ZC3H11A: variants seen among roughly 807,000 people sequenced by gnomAD.
The protein encoded by ZC3H11A is zinc finger CCCH-type containing 11A.
ZC3H11A carries 22 observed loss-of-function variants against 90.8 expected under a neutral mutation model. The observed-to-expected ratio is 0.24, with a 90% CI of 0.17 to 0.35. ZC3H11A has a LOEUF of 0.35. Ranked by LOEUF, ZC3H11A falls within the 10% of genes least tolerant of loss-of-function variation. The pLI, the probability that ZC3H11A is intolerant of heterozygous loss-of-function variation, is 1.00. For synonymous variants in ZC3H11A, 294 were observed against 339.8 expected (o/e 0.87, Z 1.48); for missense variants, 701 against 964.9 (o/e 0.73, Z 3.62).
intron 2 of ZC3H11A, among the ~76,000 whole-genome samples, chr1:203,812,578 ATTTTT>A (rs386369376): frequency 9.1e-6 from 1 of 109,314 alleles, no homozygotes; most frequent in Non-Finnish European, 1.8e-5. Flanking sequence ...GCCATTCTAA[ATTTTT>A]TTTTTTTTTT....
intron 4 of ZC3H11A, 105 bp from the exon 5 acceptor site, chr1:203,828,194 C>G: frequency 7.3e-7 from 1 of 1,361,048 alleles, no homozygotes; most frequent in Non-Finnish European, 1.0e-6. Flanking sequence ...TCTCACATGC[C>G]TCGGATTTTT....
intron 4 of ZC3H11A, among the ~76,000 whole-genome samples, chr1:203,819,973 ACG>A (rs2102840699): frequency 6.6e-6 from 1 of 151,320 alleles, no homozygotes; most frequent in South Asian, 2.1e-4. Flanking sequence ...TCAGTGGCTC[ACG>A]CCTGTAATCC....
chr1:203,850,990 AG>A (rs1689108963), intron 16 of ZC3H11A, 66 bp from the exon 17 acceptor site: 1 of 1,561,362 alleles, frequency 6.4e-7, no homozygotes, highest in African/African-American at 1.4e-5. Flanking sequence ...AGGCAGCAAA[AG>A]AAAATGAATA....
Position 203,837,969 on chromosome 1 carries a change from G to A in ZC3H11A, c.878G>A (p.Gly293Asp), listed in dbSNP as rs151160011. 33 of 1,612,426 alleles carry A rather than the reference G, an allele frequency of 2.0e-5. No homozygotes were observed. Among genetic ancestry groups the A allele is most frequent in the Non-Finnish European group, 2.8e-5 (33 of 1,179,604 alleles). Residue 293 changes from glycine to aspartate, a missense_variant, in exon 11 of 18, where the codon GGT (glycine) becomes GAT (aspartate). By Grantham distance (94) the Gly-to-Asp change is moderately conservative. Transcript: ENST00000367210. ...ACTAAGTTCTCCCTCTTTATAGGCG[G>A]TGACAGTGATCCTCCATTAAAGCGT... Reference protein sequence around the residue: ...RLGKRKFSAGGDSDPPLKRSL... With the variant: ...RLGKRKFSAGDDSDPPLKRSL...
chr1:203,847,355 C>G lies in ZC3H11A; in HGVS notation c.1214C>G (p.Thr405Ser). The G allele has an allele frequency of 6.2e-7, 1 of 1,613,852 alleles. No individual in the cohort carries two copies. The highest frequency in any genetic ancestry group is 8.5e-7 in the Non-Finnish European group (1 of 1,179,862). ...ARSSSTIRIK[T>S]FSEVLAEKKH... ...AGCTCCTCCACTATCCGTATCAAAA[C>G]CTTCTCTGAGGTCCTGGCTGAAAAA... Residue 405 changes from threonine (T) to serine (S), a missense_variant, in exon 13 of 18, where the codon ACC becomes AGC. Thr to Ser is a moderately conservative substitution (Grantham distance 58). Around this residue, in one of 4 missense-constraint regions of ZC3H11A, gnomAD observed 530 missense variants for 696.2 expected, o/e 0.76. Coordinates refer to ENST00000367210, the MANE Select transcript of ZC3H11A (RefSeq NM_001376342.1).
At chr1:203,832,321 G>A (rs1682650277) in intron 9 of ZC3H11A, among the ~76,000 whole-genome samples, 1 of 151,470 alleles carries the variant, frequency 6.6e-6, no homozygotes, top group Non-Finnish European at 1.5e-5. Flanking sequence ...TTGGCCTCCC[G>A]AAGTGCTGGG....
At chr1:203,831,836 C>G in intron 9 of ZC3H11A, 65 bp downstream of exon 9, 1 of 1,298,946 alleles carries the variant, frequency 7.7e-7, no homozygotes. Flanking sequence ...AATGCAAAAT[C>G]CTTGGGTATC....
Position 203,847,581 on chromosome 1 carries a change from G to C in ZC3H11A, c.1440G>C (p.Glu480Asp). ...HIKTLEEIKL[E>D]KALRVQQSSE... The stretch of plus-strand genomic sequence containing the variant: ...AGACGCTGGAAGAAATTAAACTGGA[G>C]AAGGCACTGAGGGTGCAGCAGAGCT... The change falls in exon 13 of 18, where the codon GAG becomes GAC. Residue 480 changes from glutamate to aspartate, a missense_variant. Physicochemically the swap from Glu to Asp is conservative, Grantham distance 45 (BLOSUM62 2). This residue lies in a region of ZC3H11A where 530 missense variants were observed against 696.2 expected (regional missense o/e 0.76). Transcript: ENST00000367210. The C allele has an allele frequency of 6.2e-7, 1 of 1,613,774 alleles. No homozygotes were observed.
rs188380611 is a variant in ZC3H11A, at chr1:203,845,457, T to C, written c.1043-1727T>C. Among the ~76,000 whole-genome samples the C allele has an allele frequency of 3.8e-4, 58 of 152,334 alleles. No individual in the cohort carries two copies. The East Asian group carries it at 9.1e-3, about 24-fold the overall frequency. On this transcript the variant is annotated intron_variant, in intron 12 of 17. Transcript: ENST00000367210. ...ATTACAGGTACCTAAATACAGTCGT[T>C]GTTCTCATGAAGTCTTTAGTGTGGT...
At chr1:203,798,609 C>G in intron 1 of ZC3H11A, 1 of 1,536,128 alleles carries the variant, frequency 6.5e-7, no homozygotes, top group South Asian at 1.2e-5. Context: ...AGCTGAGGAC[C>G]TTAGTGACTC....
intron 4 of ZC3H11A, among the ~76,000 whole-genome samples, chr1:203,825,319 A>G (rs1454936540): frequency 6.6e-6 from 1 of 152,168 alleles, no homozygotes; most frequent in African/African-American, 2.4e-5. Flanking sequence ...TTTATAGAAC[A>G]TAACTACTGC....
chr1:203,818,725 C>A (rs376658488), intron 4 of ZC3H11A, 36 bp downstream of exon 4: 1 of 1,613,038 alleles, frequency 6.2e-7, no homozygotes, highest in African/African-American at 1.3e-5. Flanking sequence ...AATAAGTAGT[C>A]TGGAGACCTG....
chr1:203,832,365 A>AT lies in ZC3H11A; in HGVS notation c.811+608dup, dbSNP rs575486286. Among the ~76,000 whole-genome samples the AT allele has an allele frequency of 4.0e-3, 569 of 143,430 alleles. 2 individuals carry two copies. The highest frequency in any genetic ancestry group is 0.012 in the African/African-American group (461 of 39,338). The allele number at this position is 143,430 out of a possible 152,430, so 94.1% of individuals were successfully genotyped here. A position where few individuals can be genotyped will look rare whatever the true frequency, so the allele number is the denominator to read the frequency against. On this transcript the variant is annotated intron_variant, in intron 9 of 17. Transcript: ENST00000367210. ...TGTGAGCCACCGTTCTTGGCCATTAATTTTTTTTTTTTTTAGATGGAGTCT... is the reference window on the plus strand; with the variant it reads ...TGTGAGCCACCGTTCTTGGCCATTAATTTTTTTTTTTTTTTAGATGGAGTCT...
intron 11 of ZC3H11A, among the ~76,000 whole-genome samples, chr1:203,839,625 C>T (rs12760495): frequency 6.6e-6 from 1 of 152,038 alleles, no homozygotes; most frequent in Non-Finnish European, 1.5e-5. Flanking sequence ...TTGTTTTCCT[C>T]CTTGTGTATT....
chr1:203,846,107 G>A (rs1319999290), intron 12 of ZC3H11A, among the ~76,000 whole-genome samples: 1 of 96,034 alleles, frequency 1.0e-5, no homozygotes, highest in African/African-American at 4.2e-5. Flanking sequence ...ACAAGACCTC[G>A]TCTTTACCAA....
rs141153166 is a variant in ZC3H11A at position 203,840,354 on chromosome 1, C to G, written c.1022C>G (p.Pro341Arg). ...GAGCGATTAGGCATGTCAGCTGATC[C>G]AGATAATGAGGATGCAACAGGTAAG... ...LKERLGMSADPDNEDATDKVN... is the reference protein window; with the variant it reads ...LKERLGMSADRDNEDATDKVN... Residue 341 changes from proline (P) to arginine (R), a missense_variant, in exon 12 of 18, where the codon CCA becomes CGA. Pro to Arg is a moderately radical substitution (Grantham distance 103). Around this residue, in one of 4 missense-constraint regions of ZC3H11A, gnomAD observed 530 missense variants for 696.2 expected, o/e 0.76. Transcript: ENST00000367210. The G allele has an allele frequency of 1.2e-6, 2 of 1,612,990 alleles. No individual in the cohort carries two copies. The highest frequency in any genetic ancestry group is 8.5e-7 in the Non-Finnish European group (1 of 1,179,362).
intron 1 of ZC3H11A, chr1:203,799,443 A>G (rs1669833242): frequency 1.4e-6 from 1 of 702,994 alleles, no homozygotes. Context: ...GAAGAATTTG[A>G]AGCAGGACGA....
At chr1:203,811,822 C>CTTTTTTTTTTTTTTTTT (rs766087522) in intron 2 of ZC3H11A, among the ~76,000 whole-genome samples, 1 of 133,456 alleles carries the variant, frequency 7.5e-6, no homozygotes, top group African/African-American at 2.8e-5. Context: ...TTGTCTTTTT[C>CTTTTTTTTTTTTTTTTT]TTTTTTTTTT....
At chr1:203,817,828 CTGT>C (rs1676874939) in intron 3 of ZC3H11A, among the ~76,000 whole-genome samples, 1 of 151,958 alleles carries the variant, frequency 6.6e-6, no homozygotes, top group Non-Finnish European at 1.5e-5. Flanking sequence ...TCTTGGCTTA[CTGT>C]AACCTCCGCC....
Sources: gnomAD v4.1 joint callset for allele counts (sites outside exome capture counted in the v4.1 genomes callset) on GRCh38, gnomAD v4.1.1 for gene constraint, gnomAD v4.1.1 regional missense constraint, MANE v1.5 for transcripts, NCBI Gene and HGNC (gene_info 2026-07-23, HGNC 2026-07-21) for gene names.